NPSR1: variants seen among roughly 807,000 people sequenced by gnomAD.
The protein encoded by NPSR1 is neuropeptide S receptor 1, also known as neuropeptide S receptor.
NPSR1 carries 48 observed loss-of-function variants against 46.9 expected under a neutral mutation model. The ratio of observed to expected loss-of-function variants is 1.02; its 90% CI spans 0.81 to 1.30. The LOEUF is 1.30. NPSR1 is among the 50% of genes most tolerant of loss of function. NPSR1 has a pLI of 0.00. For synonymous variants in NPSR1, 176 were observed against 168.1 expected (o/e 1.05, Z -0.36); for missense variants, 450 against 449.5 (o/e 1.00, Z -0.01).
chr7:34,717,423 G>A (rs566686161), intron 2 of NPSR1, among the ~76,000 whole-genome samples: 40 of 152,312 alleles, frequency 2.6e-4, no homozygotes, highest in Non-Finnish European at 4.7e-4. Flanking sequence ...GAGCCACTGC[G>A]CCCGGCCACA....
chr7:34,807,609 C>A (rs1425492890), intron 3 of NPSR1, among the ~76,000 whole-genome samples: 1 of 152,056 alleles, frequency 6.6e-6, no homozygotes, highest in African/African-American at 2.4e-5. Flanking sequence ...CCCTCTATTT[C>A]CACACTTAGA....
At chr7:34,775,728 T>C (rs1389486052) in intron 2 of NPSR1, among the ~76,000 whole-genome samples, 2 of 152,282 alleles carry the variant, frequency 1.3e-5, no homozygotes, top group Non-Finnish European at 2.9e-5. Context: ...CTCAATTTCA[T>C]TTATTTCTGC....
At chr7:34,839,218 C>T (rs1790486146) in intron 6 of NPSR1, among the ~76,000 whole-genome samples, 2 of 152,128 alleles carry the variant, frequency 1.3e-5, no homozygotes, top group Non-Finnish European at 2.9e-5. Flanking sequence ...ATGACATGTT[C>T]GTGGATAGTA....
chr7:34,659,260 T>C (rs914568015), intron 1 of NPSR1, among the ~76,000 whole-genome samples: 4 of 152,236 alleles, frequency 2.6e-5, no homozygotes, highest in African/African-American at 4.8e-5. Context: ...ACCGCACATT[T>C]GGGAAAAGAA....
At chr7:34,775,038 G>C (rs1248702902) in intron 2 of NPSR1, among the ~76,000 whole-genome samples, 1 of 152,142 alleles carries the variant, frequency 6.6e-6, no homozygotes, top group African/African-American at 2.4e-5. Flanking sequence ...TACCGATGTG[G>C]CATGTTCCTG....
chr7:34,770,973 A>G (rs2128733149), intron 2 of NPSR1, among the ~76,000 whole-genome samples: 1 of 152,204 alleles, frequency 6.6e-6, no homozygotes, highest in East Asian at 1.9e-4. Context: ...TCTATTCATG[A>G]GGGCTCAACC....
chr7:34,780,734 C>T (rs982278996), intron 3 of NPSR1, among the ~76,000 whole-genome samples: 1 of 152,084 alleles, frequency 6.6e-6, no homozygotes, highest in Admixed American at 6.6e-5. Flanking sequence ...CTGTAGAAAG[C>T]AAAACAGGGA....
At chr7:34,752,685 G>A (rs142777191) in intron 2 of NPSR1, among the ~76,000 whole-genome samples, 2 of 152,166 alleles carry the variant, frequency 1.3e-5, no homozygotes, top group South Asian at 2.1e-4. Flanking sequence ...TATTCTCCAC[G>A]AGTCTCTCAC....
At chr7:34,708,557 G>A (rs903250214) in intron 2 of NPSR1, among the ~76,000 whole-genome samples, 4 of 152,144 alleles carry the variant, frequency 2.6e-5, no homozygotes, top group African/African-American at 9.7e-5. Flanking sequence ...GAGGGAAAAC[G>A]ACAGAGTCCC....
intron 4 of NPSR1, among the ~76,000 whole-genome samples, chr7:34,819,162 T>C (rs1340004124): frequency 6.6e-6 from 1 of 152,018 alleles, no homozygotes; most frequent in Admixed American, 6.5e-5. Flanking sequence ...ATTTTTGCAA[T>C]CTACCCATCT....
At chr7:34,829,851 C>A (rs1159794204) in intron 5 of NPSR1, among the ~76,000 whole-genome samples, 1 of 152,220 alleles carries the variant, frequency 6.6e-6, no homozygotes, top group African/African-American at 2.4e-5. Flanking sequence ...CAAGCTAAAG[C>A]CTCTGGAAGG....
At chr7:34,798,807 A>T (rs1788321598) in intron 3 of NPSR1, among the ~76,000 whole-genome samples, 1 of 152,230 alleles carries the variant, frequency 6.6e-6, no homozygotes, top group Non-Finnish European at 1.5e-5. Context: ...ACTAAAAATC[A>T]GTAACAGAAG....
chr7:34,859,122 G>T (rs183741042), intron 8 of NPSR1, among the ~76,000 whole-genome samples: 1 of 151,810 alleles, frequency 6.6e-6, no homozygotes, highest in Non-Finnish European at 1.5e-5. Flanking sequence ...ACAGAAAACA[G>T]CAGAGACAGC....
At position 34,658,455 on chromosome 7, in the gene NPSR1, A is replaced by T; in HGVS notation, c.43A>T (p.Thr15Ser). The T allele has an allele frequency of 1.2e-6, 2 of 1,614,110 alleles. No individual in the cohort carries two copies. Among genetic ancestry groups the T allele is most frequent in the Non-Finnish European group, 1.7e-6 (2 of 1,179,988 alleles). ...AGAGGGCAGCTTCGATTCCAGTGGG[A>T]CCGGGCAGACGCTGGATTCTTCCCC... is the stretch of plus-strand genomic sequence containing the variant. ...FTEGSFDSSG[T>S]GQTLDSSPVA... Residue 15 changes from threonine to serine, a missense_variant, in exon 1 of 9, where the codon ACC becomes TCC. Physicochemically the swap from Thr to Ser is moderately conservative, Grantham distance 58 (BLOSUM62 1). Coordinates refer to ENST00000360581, the MANE Select transcript of NPSR1 (RefSeq NM_207172.2).
intron 8 of NPSR1, among the ~76,000 whole-genome samples, chr7:34,869,365 T>C (rs1439182337): frequency 3.3e-5 from 5 of 151,772 alleles, no homozygotes; most frequent in Admixed American, 6.6e-5. Flanking sequence ...AAAATGCAAA[T>C]TTGATGACAT....
intron 3 of NPSR1, among the ~76,000 whole-genome samples, chr7:34,808,428 A>G (rs2128749893): frequency 6.6e-6 from 1 of 152,328 alleles, no homozygotes; most frequent in Admixed American, 6.5e-5. Context: ...AAAAAACAAA[A>G]GAGAGACCCA....
rs533385463 is a variant in NPSR1 at position 34,778,722 on chromosome 7, T to C, written c.384+157T>C. On this transcript the variant is annotated intron_variant, in intron 3 of 8. Coordinates refer to ENST00000360581, the MANE Select transcript of NPSR1 (RefSeq NM_207172.2). ...CAATGAAAATTTGATTTTTAATGTATTTCCTTTGCTAAAAATAGTATCTAT... is the reference window on the plus strand; with the variant it reads ...CAATGAAAATTTGATTTTTAATGTACTTCCTTTGCTAAAAATAGTATCTAT... Among the ~76,000 whole-genome samples, 6 of 152,304 alleles carry C rather than the reference T, an allele frequency of 3.9e-5. No homozygotes were observed. The East Asian group carries it at 7.7e-4, about 20-fold the overall frequency.
intron 2 of NPSR1, among the ~76,000 whole-genome samples, chr7:34,741,135 A>C (rs943562507): frequency 5.3e-5 from 8 of 152,206 alleles, no homozygotes; most frequent in African/African-American, 1.9e-4. Flanking sequence ...TTGGTCTTTC[A>C]GAAATTTAGT....
intron 7 of NPSR1, among the ~76,000 whole-genome samples, chr7:34,847,346 A>C (rs560643449): frequency 1.3e-5 from 2 of 152,224 alleles, no homozygotes; most frequent in South Asian, 4.2e-4. Context: ...GTGTATTTCC[A>C]GTCAACTTAG....
Sources: allele counts gnomAD v4.1 joint callset (sites outside exome capture counted in the v4.1 genomes callset), GRCh38; gene constraint gnomAD v4.1.1; transcripts MANE v1.5; gene names NCBI Gene and HGNC (gene_info 2026-07-23, HGNC 2026-07-21).